The following GRSF1 variants were observed in gnomAD, a reference collection of about 807,000 sequenced individuals.
The protein encoded by GRSF1 is G-rich sequence factor 1.
In GRSF1, 50 loss-of-function variants were observed where a neutral mutation model predicts 51.1. That is an observed-to-expected ratio of 0.98 (90% confidence interval 0.78 to 1.24). The LOEUF is 1.24. Among genes scored for constraint, GRSF1 ranks in the 50% most tolerant of loss-of-function variants. The pLI is 0.00. For missense variants in GRSF1, 700 were observed against 639.7 expected (o/e 1.09, Z -1.02); for synonymous variants, 293 against 253.3 (o/e 1.16, Z -1.49).
chr4:70,826,124 G>T lies in GRSF1; in HGVS notation c.1257C>A (p.Asn419Lys), dbSNP rs201011176. ...GATTGGATATCTTACTGCCACACAC[G>T]TTTATAATGTCTTGGGCATTGGCTT... is the stretch of plus-strand genomic sequence containing the variant. ...PFQANAQDIINFFAPLKPVRI... is the reference protein window; with the variant it reads ...PFQANAQDIIKFFAPLKPVRI... Residue 419 changes from asparagine (N) to lysine (K), a missense_variant and splice_region_variant, in exon 7 of 10, where the codon AAC becomes AAA. Transcript: ENST00000254799. The T allele has an allele frequency of 1.2e-6, 2 of 1,608,572 alleles. No homozygotes were observed. The highest frequency in any genetic ancestry group is 1.3e-5 in the African/African-American group (1 of 74,668).
rs1464307299 is a variant in GRSF1 at position 70,819,018 on chromosome 4, G to A, written c.*1869C>T. On this transcript the variant is annotated 3_prime_UTR_variant, in exon 10 of 10. Coordinates refer to ENST00000254799, the MANE Select transcript of GRSF1 (RefSeq NM_002092.4). ...AGATCATGAACAAAAACAAAAGGGA[G>A]CATTCAAATACATAAAATGATTTCC... 1 of 152,100 alleles carries A rather than the reference G, an allele frequency of 6.6e-6. No individual in the cohort carries two copies. Among genetic ancestry groups the A allele is most frequent in the Non-Finnish European group, 1.5e-5 (1 of 68,022 alleles). 9.4% of individuals were successfully genotyped at this position (152,100 alleles called of 1,614,324 possible). A position where few individuals can be genotyped will look rare whatever the true frequency, so the allele number is the denominator to read the frequency against.
At chr4:70,837,034 T>C (rs1013818820) in intron 1 of GRSF1, among the ~76,000 whole-genome samples, 1 of 152,138 alleles carries the variant, frequency 6.6e-6, no homozygotes, top group Non-Finnish European at 1.5e-5. Flanking sequence ...GATAAGTTAA[T>C]ACAAGACACT....
At chr4:70,829,465 G>C (rs1733873104) in intron 5 of GRSF1, among the ~76,000 whole-genome samples, 2 of 151,880 alleles carry the variant, frequency 1.3e-5, no homozygotes, top group African/African-American at 4.8e-5. Context: ...AGACCAGCTT[G>C]GGCAACATGC....
In GRSF1 at chr4:70,832,455, G is replaced by A. The variant is rs751841200; in HGVS notation, c.671-5C>T. On this transcript the variant is annotated splice_region_variant and splice_polypyrimidine_tract_variant and intron_variant, in intron 3 of 9. Transcript: ENST00000254799. ...CTTCATTGTTTATCTCATATACTAC[G>A]AAGAAAAAACCCAACAGGGATGAAA... The A allele has an allele frequency of 1.6e-5, 25 of 1,581,936 alleles. No homozygotes were observed. The highest frequency in any genetic ancestry group is 8.1e-5 in the African/African-American group (6 of 73,930).
At chr4:70,834,662 C>A (rs551649479) in intron 2 of GRSF1, among the ~76,000 whole-genome samples, 2 of 152,168 alleles carry the variant, frequency 1.3e-5, no homozygotes, top group African/African-American at 4.8e-5. Flanking sequence ...CTCTCTGTCA[C>A]CACGGCTGGA....
chr4:70,839,543 A>G lies in GRSF1; in HGVS notation c.285T>C (p.Ser95=). The change falls in exon 1 of 10, where the codon TCT becomes TCC. Residue 95 remains serine, a synonymous_variant. Coordinates refer to ENST00000254799, the MANE Select transcript of GRSF1 (RefSeq NM_002092.4). ...GCGGCAGCAGAGAGGCACGGAGGGC[A>G]GAGTAGGACGCGGCGGCCGCGGCCG... ...SAAAAAAASY[S]ALRASLLPQS... 2.1e-6 allele frequency: 3 copies of G among 1,436,246 alleles called. No homozygotes were observed. Among genetic ancestry groups the G allele is most frequent in the Non-Finnish European group, 2.7e-6 (3 of 1,098,652 alleles). The allele number at this position is 1,436,246 out of a possible 1,614,324, so 89.0% of individuals were successfully genotyped here.
rs1733293499 is a variant in GRSF1, at chr4:70,815,966, A to G, written c.*4921T>C. On this transcript the variant is annotated 3_prime_UTR_variant, in exon 10 of 10. Coordinates refer to ENST00000254799, the MANE Select transcript of GRSF1 (RefSeq NM_002092.4). Reference sequence around the variant, plus strand: ...TGATGAACATACAAACATGCTGAGTAAAAGGAACTTACAGAATACATACTG... The same window carrying G: ...TGATGAACATACAAACATGCTGAGTGAAAGGAACTTACAGAATACATACTG... 1 of 152,230 alleles carries G rather than the reference A, an allele frequency of 6.6e-6. No individual in the cohort carries two copies. Among genetic ancestry groups the G allele is most frequent in the Non-Finnish European group, 1.5e-5 (1 of 68,052 alleles). 9.4% of individuals were successfully genotyped at this position (152,230 alleles called of 1,614,324 possible).
intron 1 of GRSF1, among the ~76,000 whole-genome samples, chr4:70,836,718 G>T (rs1441053323): frequency 6.6e-6 from 1 of 152,100 alleles, no homozygotes; most frequent in African/African-American, 2.4e-5. Context: ...GATACTGAGT[G>T]CTATAATTAA....
chr4:70,836,548 T>C (rs1022690993), intron 1 of GRSF1, among the ~76,000 whole-genome samples: 3 of 151,820 alleles, frequency 2.0e-5, no homozygotes, highest in African/African-American at 7.3e-5. Flanking sequence ...CAGGGTTTGT[T>C]TTAAAATTCA....
chr4:70,840,032 G>T (rs1734408881), upstream of GRSF1: 1 of 497,852 alleles, frequency 2.0e-6, no homozygotes. Flanking sequence ...GCTGCCCATG[G>T]TTTGGGCGGG....
chr4:70,833,769 T>A (rs1734080703), intron 2 of GRSF1, among the ~76,000 whole-genome samples: 1 of 152,150 alleles, frequency 6.6e-6, no homozygotes, highest in Non-Finnish European at 1.5e-5. Flanking sequence ...TCCTCCCACC[T>A]TAGTCTCCCA....
intron 1 of GRSF1, among the ~76,000 whole-genome samples, chr4:70,838,507 C>G (rs1734315860): frequency 6.6e-6 from 1 of 152,122 alleles, no homozygotes; most frequent in South Asian, 2.1e-4. Flanking sequence ...TGGCAGACAG[C>G]AGCCATGCTG....
At chr4:70,825,819 C>A (rs756550180) in intron 7 of GRSF1, 5 of 315,234 alleles carry the variant, frequency 1.6e-5, no homozygotes, top group African/African-American at 9.1e-5. Flanking sequence ...GTAATCCCAG[C>A]TACTCGGTAG....
chr4:70,828,360 G>A (rs1485571160), intron 5 of GRSF1, among the ~76,000 whole-genome samples: 2 of 152,024 alleles, frequency 1.3e-5, no homozygotes, highest in African/African-American at 2.4e-5. Context: ...ATCTCATAAG[G>A]GTTTTTTAAA....
At chr4:70,836,961 G>A (rs1290930172) in intron 1 of GRSF1, among the ~76,000 whole-genome samples, 2 of 152,202 alleles carry the variant, frequency 1.3e-5, no homozygotes, top group African/African-American at 4.8e-5. Context: ...AAAGAGGTTG[G>A]TACCATAGAG....
Position 70,820,006 on chromosome 4 carries a change from T to C in GRSF1, c.*881A>G, listed in dbSNP as rs1193581994. ...TGTACTACTCCATTTAAAAAGCAAA[T>C]GAGGAGACTGATTTTTTTCCTATCT... On this transcript the variant is annotated 3_prime_UTR_variant, in exon 10 of 10. Coordinates refer to ENST00000254799, the MANE Select transcript of GRSF1 (RefSeq NM_002092.4). 6.6e-6 allele frequency: 1 copy of C among 152,490 alleles called. No individual in the cohort carries two copies. The highest frequency in any genetic ancestry group is 1.5e-5 in the Non-Finnish European group (1 of 68,026). 9.4% of individuals were successfully genotyped at this position (152,490 alleles called of 1,614,324 possible).
intron 1 of GRSF1, 39 bp downstream of exon 1, chr4:70,839,432 G>C: frequency 6.7e-7 from 1 of 1,489,480 alleles, no homozygotes; most frequent in East Asian, 2.6e-5. Context: ...CGCGGCCCGG[G>C]AGGGATCTCG....
At chr4:70,824,083 G>C (rs532996831) in intron 9 of GRSF1, among the ~76,000 whole-genome samples, 2 of 139,824 alleles carry the variant, frequency 1.4e-5, no homozygotes, top group Non-Finnish European at 3.0e-5. Flanking sequence ...TGATTCTCCC[G>C]CTTCAGCCTC....
In GRSF1 at chr4:70,826,149, T is replaced by C. The variant is rs750794026; in HGVS notation, c.1232A>G (p.Gln411Arg). ...HFVHMRGLPF[Q>R]ANAQDIINFF... is the part of the protein sequence containing the mutation. ...GTTTATAATGTCTTGGGCATTGGCT[T>C]GGAAAGGTAATCCTCTCATGTGGAC... Residue 411 changes from glutamine (Q) to arginine (R), a missense_variant, in exon 7 of 10, where the codon CAA (glutamine) becomes CGA (arginine). Coordinates refer to ENST00000254799, the MANE Select transcript of GRSF1 (RefSeq NM_002092.4). 3.7e-6 allele frequency: 6 copies of C among 1,612,004 alleles called. No homozygotes were observed. The highest frequency in any genetic ancestry group is 1.1e-5 in the South Asian group (1 of 90,868).
Sources: allele counts gnomAD v4.1 joint callset (sites outside exome capture counted in the v4.1 genomes callset), GRCh38; gene constraint gnomAD v4.1.1; transcripts MANE v1.5; gene names NCBI Gene and HGNC (gene_info 2026-07-23, HGNC 2026-07-21).